DRC9: variants seen among roughly 807,000 people sequenced by gnomAD.
DRC9 encodes the protein dynein regulatory complex subunit 9.
the DRC9 span, among the ~76,000 whole-genome samples, chr3:197,905,732 A>C: frequency 2.9e-3 from 444 of 152,124 alleles, 5 homozygotes; most frequent in African/African-American, 0.01. Context: ...ACAAAATTCC[A>C]ATCTCAGAAG....
the DRC9 span, among the ~76,000 whole-genome samples, chr3:197,921,550 T>G: frequency 2.8e-5 from 4 of 142,642 alleles, no homozygotes; most frequent in African/African-American, 5.1e-5. Flanking sequence ...GGGATTTAAC[T>G]TGGTTTCGTC....
chr3:197,913,934 G>C, the DRC9 span: 1 of 1,614,000 alleles, frequency 6.2e-7, no homozygotes, highest in East Asian at 2.2e-5. Flanking sequence ...TTCTGGGTCT[G>C]GGCAATCTGC....
the DRC9 span, among the ~76,000 whole-genome samples, chr3:197,936,088 C>G: frequency 6.6e-6 from 1 of 151,662 alleles, no homozygotes; most frequent in African/African-American, 2.4e-5. Flanking sequence ...CACTTGAACT[C>G]AGGAGGCGGA....
At chr3:197,937,989 A>C in the DRC9 span, among the ~76,000 whole-genome samples, 9 of 152,060 alleles carry the variant, frequency 5.9e-5, no homozygotes, top group African/African-American at 9.7e-5. Context: ...AAAAAGAAAA[A>C]AATTTAAAAA....
chr3:197,931,481 C>CA, the DRC9 span, among the ~76,000 whole-genome samples: 1 of 141,472 alleles, frequency 7.1e-6, no homozygotes, highest in Middle Eastern at 3.4e-3. Flanking sequence ...GACTCCATCT[C>CA]AAAAAAACAA....
chr3:197,931,453 A>C, the DRC9 span, among the ~76,000 whole-genome samples: 4 of 151,820 alleles, frequency 2.6e-5, no homozygotes, highest in African/African-American at 4.8e-5. Context: ...CTGTACTGCA[A>C]CCTGGGTGAC....
At chr3:197,906,767 A>C in the DRC9 span, 3 of 152,172 alleles carry the variant, frequency 2.0e-5, no homozygotes, top group African/African-American at 7.2e-5. Context: ...ATCCCCCCAC[A>C]CCCTCACACC....
chr3:197,891,873 C>T, the DRC9 span, among the ~76,000 whole-genome samples: 1 of 151,076 alleles, frequency 6.6e-6, no homozygotes, highest in Admixed American at 6.6e-5. Context: ...CACAAGTAGT[C>T]AGCTGTCTTT....
At chr3:197,960,066 A>G in the DRC9 span, 7 of 631,392 alleles carry the variant, frequency 1.1e-5, no homozygotes, top group South Asian at 6.2e-5. Context: ...GCGCCACGAG[A>G]CGCGATGGAC....
chr3:197,933,497 T>A, the DRC9 span, among the ~76,000 whole-genome samples: 6,963 of 152,082 alleles, frequency 0.046, 269 homozygotes, highest in African/African-American at 0.1. Context: ...TTTAAAAAAA[T>A]TTTTTTAAAT....
the DRC9 span, among the ~76,000 whole-genome samples, chr3:197,899,059 A>C: frequency 1.3e-5 from 2 of 152,216 alleles, no homozygotes; most frequent in Non-Finnish European, 2.9e-5. Context: ...GTTTAGATGA[A>C]ACAGATTATT....
At chr3:197,908,274 A>T in the DRC9 span, among the ~76,000 whole-genome samples, 2 of 133,626 alleles carry the variant, frequency 1.5e-5, no homozygotes, top group Non-Finnish European at 3.1e-5. Flanking sequence ...GCATCCTCCC[A>T]GATGAAGTTA....
At chr3:197,896,069 G>A in the DRC9 span, among the ~76,000 whole-genome samples, 4 of 150,160 alleles carry the variant, frequency 2.7e-5, no homozygotes, top group African/African-American at 9.8e-5. Context: ...AAGGCTGGGC[G>A]CAGTGGCTCA....
the DRC9 span, among the ~76,000 whole-genome samples, chr3:197,897,619 G>A: frequency 1.3e-5 from 2 of 152,044 alleles, no homozygotes; most frequent in African/African-American, 2.4e-5. Context: ...GTAACAAAAT[G>A]AAAAATCTGA....
chr3:197,954,184 AT>A, the DRC9 span: 4 of 1,611,160 alleles, frequency 2.5e-6, no homozygotes, highest in Non-Finnish European at 3.4e-6. Context: ...CGTCTGATGA[AT>A]CAGACTAGGT....
chr3:197,931,354 C>T, the DRC9 span, among the ~76,000 whole-genome samples: 13 of 150,788 alleles, frequency 8.6e-5, no homozygotes, highest in Non-Finnish European at 1.5e-4. Flanking sequence ...TGGTGGCAGG[C>T]GCCTGTAATC....
chr3:197,947,204 C>T, the DRC9 span, among the ~76,000 whole-genome samples: 2 of 152,184 alleles, frequency 1.3e-5, no homozygotes, highest in African/African-American at 4.8e-5. Flanking sequence ...TGAACTACTC[C>T]AACAACCTCT....
At chr3:197,939,916 G>C in the DRC9 span, among the ~76,000 whole-genome samples, 1 of 152,104 alleles carries the variant, frequency 6.6e-6, no homozygotes, top group Non-Finnish European at 1.5e-5. Flanking sequence ...CTCATGGCCT[G>C]ATTTACTGAT....
At chr3:197,903,416 G>A in the DRC9 span, among the ~76,000 whole-genome samples, 1 of 152,120 alleles carries the variant, frequency 6.6e-6, no homozygotes, top group Non-Finnish European at 1.5e-5. Context: ...GGAGGCTGAG[G>A]CAGGTGGATC....
Sources: gnomAD v4.1 joint callset for allele counts (sites outside exome capture counted in the v4.1 genomes callset) on GRCh38, gnomAD v4.1.1 for gene constraint, MANE v1.5 for transcripts, NCBI Gene and HGNC (gene_info 2026-07-23, HGNC 2026-07-21) for gene names.